BTBD8: variants seen among roughly 807,000 people sequenced by gnomAD.
BTBD8 encodes BTB/POZ domain-containing protein 8.
BTBD8 carries 110 observed loss-of-function variants against 162.9 expected under a neutral mutation model. The observed-to-expected ratio is 0.68, with a 90% CI of 0.58 to 0.79. The LOEUF (loss-of-function observed/expected upper bound fraction) is 0.79. Ranked by LOEUF, BTBD8 falls within the 30% of genes least tolerant of loss-of-function variation. The probability of loss-of-function intolerance (pLI) is 0.00; values close to 1 mark genes in which losing one functional copy is unlikely to be tolerated. For synonymous variants in BTBD8, 667 were observed against 716.1 expected (o/e 0.93, Z 1.10); for missense variants, 1,905 against 2,085.4 (o/e 0.91, Z 1.68).
At position 92,177,502 on chromosome 1, in the gene BTBD8, A is replaced by G. The variant is rs1380587815; in HGVS notation, c.2309A>G (p.Gln770Arg). 2 of 1,550,208 alleles carry G rather than the reference A, an allele frequency of 1.3e-6. No homozygotes were observed. The highest frequency in any genetic ancestry group is 1.7e-6 in the Non-Finnish European group (2 of 1,146,604). ...CTATCCTTTTGTGATTCTCCAGGACAGATGATGAAAAACAGTGTAGATAGT... is the reference window on the plus strand; with the variant it reads ...CTATCCTTTTGTGATTCTCCAGGACGGATGATGAAAAACAGTGTAGATAGT... Reference protein sequence around the residue: ...HKLSFCDSPGQMMKNSVDSVK... With the variant: ...HKLSFCDSPGRMMKNSVDSVK... The change falls in exon 14 of 18, where the codon CAG becomes CGG. Residue 770 changes from glutamine to arginine, a missense_variant. Gln to Arg is a conservative substitution (Grantham distance 43, BLOSUM62 1). Transcript: ENST00000636805.
Position 92,184,135 on chromosome 1 carries a change from A to G in BTBD8, c.5184A>G (p.Leu1728=). ...AAGACTTAAGTTTAGCACAGTATCT[A>G]ATCAATCAGACACTACTTTTAGCAC... ...VPEDLSLAQY[L]INQTLLLARD... The change falls in exon 18 of 18, where the codon CTA becomes CTG. Residue 1728 remains leucine, a synonymous_variant. Coordinates refer to ENST00000636805, the MANE Select transcript of BTBD8 (RefSeq NM_001376131.1). 2.6e-6 allele frequency: 4 copies of G among 1,551,648 alleles called. No individual in the cohort carries two copies. Among genetic ancestry groups the G allele is most frequent in the Non-Finnish European group, 3.5e-6 (4 of 1,146,860 alleles).
At chr1:92,127,370 G>A (rs1649388356) in intron 4 of BTBD8, among the ~76,000 whole-genome samples, 1 of 152,154 alleles carries the variant, frequency 6.6e-6, no homozygotes, top group Admixed American at 6.5e-5. Flanking sequence ...ACTCTAGTAT[G>A]ATCTCCTATG....
chr1:92,139,230 T>C, intron 5 of BTBD8, 120 bp from the exon 6 acceptor site: 3 of 1,022,922 alleles, frequency 2.9e-6, no homozygotes, highest in Non-Finnish European at 4.2e-6. Flanking sequence ...GAAGAGTATA[T>C]TCTTCAGGTA....
In BTBD8 at chr1:92,086,539, G is replaced by A. The variant is rs188451575; in HGVS notation, c.150-2159G>A. 6.6e-5 allele frequency among the ~76,000 whole-genome samples: 10 copies of A among 152,164 alleles called. No homozygotes were observed. The East Asian group carries it at 1.9e-3, about 29-fold the overall frequency. On this transcript the variant is annotated intron_variant, in intron 1 of 17. Coordinates refer to ENST00000636805, the MANE Select transcript of BTBD8 (RefSeq NM_001376131.1). ...CCAGCTACTTGGGAGGCTGCGGTGG[G>A]AGGATCCCTTGAGCTTGGGAGGTGG... is the stretch of plus-strand genomic sequence containing the variant.
chr1:92,182,477 A>T lies in BTBD8; in HGVS notation c.4794A>T (p.Pro1598=). ...LHQREPNSDI[P]KNSSTKSLDS... is the part of the protein sequence containing the mutation. The stretch of plus-strand genomic sequence containing the variant: ...AAAGAGAACCCAATTCTGACATACC[A>T]AAGAACAGCTCTACAAAATCTCTAG... Residue 1598 remains proline, a synonymous_variant, in exon 17 of 18, where the codon CCA becomes CCT. Coordinates refer to ENST00000636805, the MANE Select transcript of BTBD8 (RefSeq NM_001376131.1). The T allele has an allele frequency of 6.4e-7, 1 of 1,551,628 alleles. No individual in the cohort carries two copies. Among genetic ancestry groups the T allele is most frequent in the East Asian group, 2.4e-5 (1 of 40,890 alleles).
At chr1:92,177,777 T>C (rs1650764108) in intron 14 of BTBD8, 34 bp from the exon 15 acceptor site, 2 of 1,211,664 alleles carry the variant, frequency 1.7e-6, no homozygotes, top group Admixed American at 2.1e-5. Context: ...TTTAATGTAT[T>C]CTCTCTTATG....
chr1:92,134,204 A>T (rs530329644), intron 5 of BTBD8, among the ~76,000 whole-genome samples: 67 of 152,228 alleles, frequency 4.4e-4, no homozygotes, highest in African/African-American at 1.5e-3. Context: ...ATAAATTTGG[A>T]TTTTCCTATC....
intron 5 of BTBD8, among the ~76,000 whole-genome samples, chr1:92,133,328 AAG>A (rs1334195200): frequency 2.0e-5 from 3 of 152,204 alleles, no homozygotes; most frequent in African/African-American, 7.2e-5. Context: ...ACAGTAAGGA[AAG>A]AAACTGGCAT....
intron 6 of BTBD8, chr1:92,139,946 A>AAAAG (rs1649731355): frequency 7.4e-6 from 1 of 135,286 alleles, no homozygotes; most frequent in Non-Finnish European, 1.6e-5. Flanking sequence ...AAAAAAAAAA[A>AAAAG]AAAAAAAAAA....
At chr1:92,105,377 C>T (rs964166435) in intron 3 of BTBD8, among the ~76,000 whole-genome samples, 2 of 152,132 alleles carry the variant, frequency 1.3e-5, no homozygotes, top group African/African-American at 2.4e-5. Context: ...CTCAGCCTCT[C>T]GAGTAGCTGG....
At chr1:92,097,551 T>G (rs182752877) in intron 2 of BTBD8, among the ~76,000 whole-genome samples, 245 of 152,306 alleles carry the variant, frequency 1.6e-3, no homozygotes, top group African/African-American at 5.8e-3. Context: ...TATTTCCTCC[T>G]TCAGCCAGCC....
intron 1 of BTBD8, among the ~76,000 whole-genome samples, chr1:92,086,024 C>T (rs891995815): frequency 6.6e-6 from 1 of 152,168 alleles, no homozygotes; most frequent in Non-Finnish European, 1.5e-5. Flanking sequence ...AGTGGTGTAT[C>T]AAGCGCATGA....
chr1:92,176,593 AATAG>A (rs773794830), intron 13 of BTBD8, among the ~76,000 whole-genome samples: 69 of 152,300 alleles, frequency 4.5e-4, no homozygotes, highest in East Asian at 1.3e-3. Context: ...TATTTACTTT[AATAG>A]ATAGAATAGC....
At chr1:92,163,525 G>C (rs904332791) in intron 9 of BTBD8, among the ~76,000 whole-genome samples, 1 of 151,876 alleles carries the variant, frequency 6.6e-6, no homozygotes, top group Non-Finnish European at 1.5e-5. Context: ...GGATGGTTTG[G>C]GGACAGGAAG....
At position 92,106,660 on chromosome 1, in the gene BTBD8, C is replaced by CAAAAAAAA. The variant is rs60676530; in HGVS notation, c.545-1202_545-1195dup. Among the ~76,000 whole-genome samples, 16 of 9,952 alleles carry CAAAAAAAA rather than the reference C, an allele frequency of 1.6e-3. 6 individuals carry two copies. The highest frequency in any genetic ancestry group is 5.5e-3 in the African/African-American group (14 of 2,524). 6.5% of individuals were successfully genotyped at this position (9,952 alleles called of 152,430 possible). A position where few individuals can be genotyped will look rare whatever the true frequency, so the allele number is the denominator to read the frequency against. ...TGGGCGACAGAGTAAGACTCTGTCT[C>CAAAAAAAA]AAAAAAAAAAAAAAAAAAAAAAAAA... On this transcript the variant is annotated intron_variant, in intron 3 of 17. Transcript: ENST00000636805.
Position 92,118,902 on chromosome 1 carries a change from C to CTGTG in BTBD8, c.663-10771_663-10768dup, listed in dbSNP as rs146570106. Among the ~76,000 whole-genome samples, 436 of 144,288 alleles carry CTGTG rather than the reference C, an allele frequency of 3.0e-3. 9 individuals are homozygous for CTGTG. The East Asian group carries it at 0.051, about 17-fold the overall frequency. The allele number at this position is 144,288 out of a possible 152,430, so 94.7% of individuals were successfully genotyped here. A position where few individuals can be genotyped will look rare whatever the true frequency, so the allele number is the denominator to read the frequency against. On this transcript the variant is annotated intron_variant, in intron 4 of 17. Coordinates refer to ENST00000636805, the MANE Select transcript of BTBD8 (RefSeq NM_001376131.1). ...TTTTACTCCCTCAGTGTGTGTGTGTCTGTGTGTGTGTGTGTGTTGAGCATT... is the reference window on the plus strand; with the variant it reads ...TTTTACTCCCTCAGTGTGTGTGTGTCTGTGTGTGTGTGTGTGTGTGTTGAGCATT...
chr1:92,094,750 C>T (rs918521827), intron 2 of BTBD8, among the ~76,000 whole-genome samples: 1 of 152,088 alleles, frequency 6.6e-6, no homozygotes, highest in Non-Finnish European at 1.5e-5. Context: ...AGAAGACTAA[C>T]CTGGTTATTG....
intron 4 of BTBD8, chr1:92,126,399 C>A: frequency 2.5e-6 from 2 of 797,100 alleles, no homozygotes; most frequent in Non-Finnish European, 4.1e-6. Flanking sequence ...TGAATGTGCT[C>A]TTGCCCAGGC....
In BTBD8 at chr1:92,177,881, C is replaced by T; in HGVS notation, c.2424C>T (p.Asp808=). 2.0e-6 allele frequency: 3 copies of T among 1,524,222 alleles called. No individual in the cohort carries two copies. The highest frequency in any genetic ancestry group is 2.7e-6 in the Non-Finnish European group (3 of 1,122,682). The allele number at this position is 1,524,222 out of a possible 1,614,324, so 94.4% of individuals were successfully genotyped here. The part of the protein sequence containing the change: ...TSNKKSIHEQ[D]TNVNNSVLKK... ...ATAAAAAAAGTATTCATGAACAAGACACTAATGTAAATAACAGGTAGGTCT... is the reference window on the plus strand; with the variant it reads ...ATAAAAAAAGTATTCATGAACAAGATACTAATGTAAATAACAGGTAGGTCT... Residue 808 remains aspartate, a synonymous_variant, in exon 15 of 18, where the codon GAC becomes GAT. Coordinates refer to ENST00000636805, the MANE Select transcript of BTBD8 (RefSeq NM_001376131.1).
Sources: gnomAD v4.1 joint callset for allele counts (sites outside exome capture counted in the v4.1 genomes callset) on GRCh38, gnomAD v4.1.1 for gene constraint, MANE v1.5 for transcripts, NCBI Gene and HGNC (gene_info 2026-07-23, HGNC 2026-07-21) for gene names.